CNTNAP5: variants seen among roughly 807,000 people sequenced by gnomAD.
CNTNAP5 encodes contactin associated protein family member 5, also known as contactin-associated protein-like 5.
CNTNAP5 carries 72 observed loss-of-function variants against 150.2 expected under a neutral mutation model. The observed-to-expected ratio is 0.48, with a 90% CI of 0.40 to 0.58. The LOEUF (loss-of-function observed/expected upper bound fraction) is 0.58. Ranked by LOEUF, CNTNAP5 falls within the 20% of genes least tolerant of loss-of-function variation. The pLI is 0.00. For missense variants in CNTNAP5, 1,636 were observed against 1,626.2 expected (o/e 1.01, Z -0.10); for synonymous variants, 672 against 619.8 (o/e 1.08, Z -1.25).
intron 1 of CNTNAP5, among the ~76,000 whole-genome samples, chr2:124,105,570 G>A (rs752607410): frequency 1.5e-4 from 23 of 151,990 alleles, no homozygotes; most frequent in Non-Finnish European, 3.1e-4. Context: ...TAATTATTTA[G>A]CATTATCTAT....
intron 19 of CNTNAP5, among the ~76,000 whole-genome samples, chr2:124,810,348 T>C (rs1181155464): frequency 6.6e-6 from 1 of 152,160 alleles, no homozygotes; most frequent in Non-Finnish European, 1.5e-5. Flanking sequence ...CTCGTGTGGC[T>C]GTTGACAGGA....
rs6715017 is a variant in CNTNAP5, at chr2:124,253,533, G to A, written c.381+11140G>A. Among the ~76,000 whole-genome samples, 1,222 of 152,192 alleles carry A rather than the reference G, an allele frequency of 8.0e-3. 14 individuals carry two copies. Among genetic ancestry groups the A allele is most frequent in the African/African-American group, 0.028 (1,157 of 41,510 alleles). ...TAAAAAGCAACAATTGCAATTCTTC[G>A]AGACAATTATAATTCATTGCTTTCC... On this transcript the variant is annotated intron_variant, in intron 3 of 23. Coordinates refer to ENST00000682447, the MANE Select transcript of CNTNAP5 (RefSeq NM_001367498.1).
intron 11 of CNTNAP5, among the ~76,000 whole-genome samples, chr2:124,589,436 C>A (rs1696629794): frequency 6.6e-6 from 1 of 152,084 alleles, no homozygotes; most frequent in Admixed American, 6.5e-5. Flanking sequence ...GGTTGGTAGG[C>A]TTTTGGGTTG....
chr2:124,381,947 A>G (rs2565759), intron 3 of CNTNAP5, among the ~76,000 whole-genome samples: 151,100 of 152,308 alleles, frequency 0.99, 74,962 homozygotes, highest in East Asian at 1. Flanking sequence ...GAAATGACAA[A>G]AGCGTGGTGT....
chr2:124,256,602 C>A (rs1687322367), intron 3 of CNTNAP5, among the ~76,000 whole-genome samples: 1 of 152,072 alleles, frequency 6.6e-6, no homozygotes, highest in Non-Finnish European at 1.5e-5. Context: ...AGCTTACCTG[C>A]CTCTGTCGAT....
Position 124,851,565 on chromosome 2 carries a change from G to C in CNTNAP5, c.3218-13741G>C, listed in dbSNP as rs569305363. Among the ~76,000 whole-genome samples the C allele has an allele frequency of 5.3e-5, 8 of 152,302 alleles. No homozygotes were observed. The South Asian group carries it at 1.7e-3, about 32-fold the overall frequency. Reference sequence around the variant, plus strand: ...GATAATTCATCTAAATTAATGAAAGGAAAGTCAGCACATAGGGGTTCAGCT... The same window carrying C: ...GATAATTCATCTAAATTAATGAAAGCAAAGTCAGCACATAGGGGTTCAGCT... On this transcript the variant is annotated intron_variant, in intron 19 of 23. Coordinates refer to ENST00000682447, the MANE Select transcript of CNTNAP5 (RefSeq NM_001367498.1).
At chr2:124,035,910 CTTTTTTTTTTTTTTT>C (rs759598012) in intron 1 of CNTNAP5, among the ~76,000 whole-genome samples, 1 of 76,528 alleles carries the variant, frequency 1.3e-5, no homozygotes, top group East Asian at 5.0e-4. Context: ...AGGATGAACT[CTTTTTTTTTTTTTTT>C]TTTTTTTTTT....
chr2:124,784,482 A>T (rs1030785402), intron 17 of CNTNAP5, among the ~76,000 whole-genome samples: 1 of 152,214 alleles, frequency 6.6e-6, no homozygotes, highest in Non-Finnish European at 1.5e-5. Flanking sequence ...CCAAGGAAAC[A>T]TCATCATAAT....
chr2:124,865,106 CTCTG>C (rs1402748399), intron 19 of CNTNAP5, among the ~76,000 whole-genome samples, 196 bp from the exon 20 acceptor site: 8 of 152,102 alleles, frequency 5.3e-5, no homozygotes, highest in Non-Finnish European at 1.0e-4. Context: ...CTCTCTCTCT[CTCTG>C]TCTCTCTATT....
At chr2:124,226,732 C>T (rs1016466777) in intron 2 of CNTNAP5, among the ~76,000 whole-genome samples, 7 of 152,034 alleles carry the variant, frequency 4.6e-5, no homozygotes, top group African/African-American at 1.7e-4. Context: ...TTATTTCTTA[C>T]AGTGATAGAA....
intron 1 of CNTNAP5, among the ~76,000 whole-genome samples, chr2:124,031,789 A>C (rs1373308074): frequency 6.6e-6 from 1 of 152,176 alleles, no homozygotes; most frequent in Non-Finnish European, 1.5e-5. Flanking sequence ...GATCAGTATA[A>C]AAAGGAGAAG....
At chr2:124,671,289 A>G (rs11686715) in intron 13 of CNTNAP5, among the ~76,000 whole-genome samples, 34,863 of 152,142 alleles carry the variant, frequency 0.23, 4,489 homozygotes, top group African/African-American at 0.36. Context: ...AAATAAGTTT[A>G]TTAGAGAATG....
chr2:124,057,622 C>T (rs980174597), intron 1 of CNTNAP5, among the ~76,000 whole-genome samples: 15 of 151,684 alleles, frequency 9.9e-5, no homozygotes, highest in Non-Finnish European at 1.6e-4. Flanking sequence ...AGATATATTA[C>T]TTCTTACCCA....
intron 1 of CNTNAP5, among the ~76,000 whole-genome samples, chr2:124,073,437 GA>G (rs1682360915): frequency 6.6e-6 from 1 of 152,060 alleles, no homozygotes; most frequent in South Asian, 2.1e-4. Flanking sequence ...CTCAAAGTGT[GA>G]CAACATATTT....
chr2:124,058,671 A>G lies in CNTNAP5; in HGVS notation c.82+32939A>G, dbSNP rs1250175227. ...CAGCCTAAAAGCTTCCTAACACTTG[A>G]AAAAAATGCATGGCACATATTAGGT... On this transcript the variant is annotated intron_variant, in intron 1 of 23. Transcript: ENST00000682447. Among the ~76,000 whole-genome samples, 15 of 152,268 alleles carry G rather than the reference A, an allele frequency of 9.9e-5. No homozygotes were observed. In the South Asian group the frequency reaches 3.1e-3, roughly 32 times the overall value.
chr2:124,391,256 A>C (rs1691102560), intron 3 of CNTNAP5, among the ~76,000 whole-genome samples: 2 of 152,350 alleles, frequency 1.3e-5, no homozygotes, highest in South Asian at 2.1e-4. Context: ...ATGTATAAAC[A>C]GTAGGATATT....
At chr2:124,469,473 A>G (rs909490504) in intron 6 of CNTNAP5, among the ~76,000 whole-genome samples, 21 of 152,174 alleles carry the variant, frequency 1.4e-4, no homozygotes, top group Non-Finnish European at 2.1e-4. Flanking sequence ...AAATAAGTAA[A>G]AGTAACATAT....
chr2:124,104,253 C>T (rs1209737426), intron 1 of CNTNAP5, among the ~76,000 whole-genome samples: 1 of 152,000 alleles, frequency 6.6e-6, no homozygotes, highest in Non-Finnish European at 1.5e-5. Context: ...CACATTCCAT[C>T]ATCAACTCCA....
intron 12 of CNTNAP5, among the ~76,000 whole-genome samples, chr2:124,614,199 T>C (rs1423721040): frequency 1.3e-5 from 2 of 152,140 alleles, no homozygotes; most frequent in African/African-American, 4.8e-5. Context: ...TATAACAAAC[T>C]ACATAACACT....
Sources: allele counts gnomAD v4.1 joint callset (sites outside exome capture counted in the v4.1 genomes callset), GRCh38; gene constraint gnomAD v4.1.1; transcripts MANE v1.5; gene names NCBI Gene and HGNC (gene_info 2026-07-23, HGNC 2026-07-21).